The following SPIDR variants were observed in gnomAD, a reference collection of about 807,000 sequenced individuals.
SPIDR encodes scaffold protein involved in DNA repair, also known as DNA repair-scaffolding protein.
In SPIDR, 93 loss-of-function variants were observed where a neutral mutation model predicts 104.6. The ratio of observed to expected loss-of-function variants is 0.89; its 90% CI spans 0.75 to 1.06. SPIDR has a LOEUF of 1.06. Among genes scored for constraint, SPIDR ranks in the 50% least tolerant of loss-of-function variants. SPIDR has a pLI of 0.00. For synonymous variants in SPIDR, 431 were observed against 416.9 expected, an observed-to-expected ratio of 1.03 and a Z score of -0.41; for missense variants, 1,154 against 1,111.2, an observed-to-expected ratio of 1.04 and a Z score of -0.55.
intron 11 of SPIDR, among the ~76,000 whole-genome samples, chr8:47,697,374 A>G (rs1275740642): frequency 6.6e-6 from 1 of 152,232 alleles, no homozygotes; most frequent in African/African-American, 2.4e-5. Context: ...ATAACATACT[A>G]TAAAATTTAC....
chr8:47,679,322 A>G (rs756064205), intron 11 of SPIDR, among the ~76,000 whole-genome samples: 6 of 152,262 alleles, frequency 3.9e-5, no homozygotes, highest in Non-Finnish European at 7.3e-5. Context: ...TCATAGATGC[A>G]TCATACAAGG....
At chr8:47,507,680 C>G (rs1033177980) in intron 8 of SPIDR, among the ~76,000 whole-genome samples, 1 of 152,180 alleles carries the variant, frequency 6.6e-6, no homozygotes, top group African/African-American at 2.4e-5. Flanking sequence ...ACACAGTATC[C>G]TGGACATGTC....
intron 10 of SPIDR, among the ~76,000 whole-genome samples, chr8:47,627,204 C>T (rs1257338795): frequency 6.6e-6 from 1 of 152,016 alleles, no homozygotes; most frequent in African/African-American, 2.4e-5. Context: ...TACATGGACA[C>T]AGGAAGGGGA....
At chr8:47,620,940 A>G (rs1043810803) in intron 10 of SPIDR, among the ~76,000 whole-genome samples, 4 of 150,772 alleles carry the variant, frequency 2.7e-5, no homozygotes, top group Non-Finnish European at 4.4e-5. Context: ...TTTAAAGGGT[A>G]TACAATTCTC....
chr8:47,720,930 T>G (rs2725288), intron 16 of SPIDR, among the ~76,000 whole-genome samples: 151,183 of 152,170 alleles, frequency 0.99, 75,108 homozygotes, highest in Middle Eastern at 1. Flanking sequence ...GCTAGTTTTT[T>G]TATGTTTAGT....
chr8:47,627,347 C>A (rs1019826908), intron 10 of SPIDR, among the ~76,000 whole-genome samples: 1 of 151,818 alleles, frequency 6.6e-6, no homozygotes, highest in African/African-American at 2.4e-5. Flanking sequence ...ATGTAACAAA[C>A]CTGCACGTTG....
At chr8:47,584,514 A>G (rs1307487980) in intron 8 of SPIDR, among the ~76,000 whole-genome samples, 5 of 152,224 alleles carry the variant, frequency 3.3e-5, no homozygotes, top group African/African-American at 1.2e-4. Flanking sequence ...AAATTTCCTT[A>G]TGAATAATTT....
At chr8:47,504,347 T>A (rs2081112014) in intron 8 of SPIDR, among the ~76,000 whole-genome samples, 1 of 152,196 alleles carries the variant, frequency 6.6e-6, no homozygotes, top group Non-Finnish European at 1.5e-5. Context: ...TTTTTTCTTT[T>A]TTCTCTAAAC....
chr8:47,342,303 C>T (rs889367518), intron 5 of SPIDR, among the ~76,000 whole-genome samples: 1 of 148,714 alleles, frequency 6.7e-6, no homozygotes, highest in Non-Finnish European at 1.5e-5. Context: ...ATTTCTCACC[C>T]ATCTTCTATT....
At chr8:47,716,163 T>TTGC (rs1375407950) in intron 16 of SPIDR, among the ~76,000 whole-genome samples, 1 of 152,070 alleles carries the variant, frequency 6.6e-6, no homozygotes, top group Non-Finnish European at 1.5e-5. Flanking sequence ...TTTTGCCGTG[T>TTGC]TGGCCAGGCT....
At chr8:47,480,006 A>G (rs893654247) in intron 8 of SPIDR, among the ~76,000 whole-genome samples, 8 of 152,232 alleles carry the variant, frequency 5.3e-5, no homozygotes, top group Non-Finnish European at 1.2e-4. Context: ...AGGTGAATTC[A>G]TCTCATTTGA....
intron 8 of SPIDR, among the ~76,000 whole-genome samples, chr8:47,471,340 A>C (rs2075679168): frequency 6.6e-6 from 1 of 152,042 alleles, no homozygotes; most frequent in Non-Finnish European, 1.5e-5. Context: ...AAAAAAAAAA[A>C]AACAGCCCAG....
chr8:47,299,814 G>T (rs2041691098), intron 5 of SPIDR, among the ~76,000 whole-genome samples: 1 of 152,124 alleles, frequency 6.6e-6, no homozygotes, highest in Non-Finnish European at 1.5e-5. Context: ...CTTGATCATG[G>T]TGGATAAGGT....
intron 8 of SPIDR, among the ~76,000 whole-genome samples, chr8:47,468,700 T>C (rs1554719089): frequency 6.6e-6 from 1 of 152,086 alleles, no homozygotes. Context: ...TAACTCAAGA[T>C]GGATCAAAAA....
intron 5 of SPIDR, among the ~76,000 whole-genome samples, chr8:47,368,832 T>G (rs1425757121): frequency 6.6e-6 from 1 of 152,116 alleles, no homozygotes; most frequent in Non-Finnish European, 1.5e-5. Context: ...TTTTAAAAAC[T>G]GAAAAGGGAA....
intron 7 of SPIDR, among the ~76,000 whole-genome samples, chr8:47,435,665 G>A (rs2068172266): frequency 6.6e-6 from 1 of 152,176 alleles, no homozygotes; most frequent in Non-Finnish European, 1.5e-5. Flanking sequence ...CACTTGACAA[G>A]TTATCTTCTT....
chr8:47,488,895 A>G (rs1452588272), intron 8 of SPIDR, among the ~76,000 whole-genome samples: 1 of 152,214 alleles, frequency 6.6e-6, no homozygotes, highest in East Asian at 1.9e-4. Context: ...AGCCAATATC[A>G]TACTGAATGG....
At chr8:47,568,021 C>G (rs910212319) in intron 8 of SPIDR, among the ~76,000 whole-genome samples, 5 of 152,082 alleles carry the variant, frequency 3.3e-5, no homozygotes, top group Non-Finnish European at 7.4e-5. Flanking sequence ...AAGCAAACCT[C>G]CCCGCCAGCC....
In SPIDR at chr8:47,294,048, C is replaced by T. The variant is rs1313040116; in HGVS notation, c.525+18C>T. 6.3e-7 allele frequency: 1 copy of T among 1,596,592 alleles called. No homozygotes were observed. The highest frequency in any genetic ancestry group is 8.5e-7 in the Non-Finnish European group (1 of 1,172,282). On this transcript the variant is annotated intron_variant, in intron 5 of 19. Transcript: ENST00000297423. ...TTCCCAAGGTAAGAATGAAGTATTT[C>T]AAAACTTTTATTCACTTTATAACAT... is the stretch of plus-strand genomic sequence containing the variant.
Sources: allele counts gnomAD v4.1 joint callset (sites outside exome capture counted in the v4.1 genomes callset), GRCh38; gene constraint gnomAD v4.1.1; transcripts MANE v1.5; gene names NCBI Gene and HGNC (gene_info 2026-07-23, HGNC 2026-07-21).